The following RARB variants were observed in gnomAD, a reference collection of about 807,000 sequenced individuals.
The protein encoded by RARB is HBV-activated protein.
Under a neutral mutation model 51.9 loss-of-function variants are expected in RARB, and 17 were observed. The observed-to-expected ratio is 0.33, with a 90% CI of 0.22 to 0.49. The LOEUF (loss-of-function observed/expected upper bound fraction) is 0.49, where lower values mean the gene tolerates loss of function less well. RARB is among the 20% of genes least tolerant of loss of function. The pLI is 0.99. For missense variants in RARB, 369 were observed against 550.8 expected (o/e 0.67, Z 3.30); for synonymous variants, 215 against 195.4 (o/e 1.10, Z -0.84).
At chr3:24,993,006 A>G (rs1696946708) in intron 2 of RARB, among the ~76,000 whole-genome samples, 1 of 152,216 alleles carries the variant, frequency 6.6e-6, no homozygotes, top group Admixed American at 6.5e-5. Flanking sequence ...GAATTTACTT[A>G]AAGGAACATT....
chr3:25,327,584 T>C (rs1181420440), intron 5 of RARB, among the ~76,000 whole-genome samples: 2 of 152,244 alleles, frequency 1.3e-5, no homozygotes, highest in South Asian at 4.1e-4. Context: ...GGTCTCAGAA[T>C]GTTTCTCTCC....
At chr3:25,072,712 A>ATTTATTTTTTTGAGAT (rs1698792170) in intron 3 of RARB, among the ~76,000 whole-genome samples, 1 of 148,154 alleles carries the variant, frequency 6.7e-6, no homozygotes, top group African/African-American at 2.6e-5. Context: ...TTAATTTTTT[A>ATTTATTTTTTTGAGAT]TTTATTTTTT....
chr3:24,993,129 T>G (rs1696949263), intron 2 of RARB, among the ~76,000 whole-genome samples: 1 of 152,182 alleles, frequency 6.6e-6, no homozygotes, highest in African/African-American at 2.4e-5. Context: ...ACACATTCAC[T>G]TTTTTCTTTA....
At chr3:25,343,320 A>G (rs955060754) in intron 5 of RARB, among the ~76,000 whole-genome samples, 4 of 152,128 alleles carry the variant, frequency 2.6e-5, no homozygotes, top group African/African-American at 9.7e-5. Context: ...TGCCTATAGC[A>G]TATTATCAGT....
At position 25,278,585 on chromosome 3, in the gene RARB, T is replaced by G. The variant is rs146887041; in HGVS notation, c.178+104010T>G. 6.0e-3 allele frequency among the ~76,000 whole-genome samples: 912 copies of G among 152,324 alleles called. 11 individuals are homozygous for G. The highest frequency in any genetic ancestry group is 0.021 in the African/African-American group (876 of 41,580). On this transcript the variant is annotated intron_variant, in intron 5 of 11. Transcript: ENST00000383772. ...GTGCCACAGCTAAGAATTCACTAGCTGTATCAATTGATTTATGGATTCTTA... is the reference window on the plus strand; with the variant it reads ...GTGCCACAGCTAAGAATTCACTAGCGGTATCAATTGATTTATGGATTCTTA...
intron 2 of RARB, among the ~76,000 whole-genome samples, chr3:24,993,768 T>C (rs1459657979): frequency 6.6e-6 from 1 of 152,190 alleles, no homozygotes; most frequent in African/African-American, 2.4e-5. Context: ...TTTAACTCTC[T>C]GTTCCTGTTT....
chr3:25,001,322 T>C (rs1235319495), intron 2 of RARB, among the ~76,000 whole-genome samples: 1 of 152,188 alleles, frequency 6.6e-6, no homozygotes, highest in Non-Finnish European at 1.5e-5. Flanking sequence ...ACAGTGGCTC[T>C]GCTTCAAGAA....
chr3:24,861,039 G>A (rs1702739961), intron 2 of RARB, among the ~76,000 whole-genome samples: 1 of 152,168 alleles, frequency 6.6e-6, no homozygotes, highest in African/African-American at 2.4e-5. Context: ...AGGGATACAT[G>A]ACTGTCTTAT....
At chr3:24,957,146 C>A (rs1287962663) in intron 2 of RARB, among the ~76,000 whole-genome samples, 1 of 152,136 alleles carries the variant, frequency 6.6e-6, no homozygotes, top group African/African-American at 2.4e-5. Flanking sequence ...AACATTCCAG[C>A]AGGGCTAATG....
Position 25,596,560 on chromosome 3 carries a change from A to G in RARB, c.1291A>G (p.Ile431Val). The part of the protein sequence containing the change: ...SGNTAEHSPS[I>V]SPSSVENSGV... The stretch of plus-strand genomic sequence containing the variant: ...GAACACAGCAGAGCACAGTCCTAGC[A>G]TCTCACCCAGCTCAGTGGAAAACAG... The change falls in exon 8 of 8, where the codon ATC (isoleucine) becomes GTC (valine). Residue 431 changes from isoleucine to valine, a missense_variant. Ile to Val is a conservative substitution (Grantham distance 29). Around this residue, in one of 9 missense-constraint regions of RARB, gnomAD observed 54 missense variants for 43.4 expected, o/e 1.24. Coordinates refer to ENST00000330688, the MANE Select transcript of RARB (RefSeq NM_000965.5). The G allele has an allele frequency of 6.2e-7, 1 of 1,613,896 alleles. No individual in the cohort carries two copies. The highest frequency in any genetic ancestry group is 8.5e-7 in the Non-Finnish European group (1 of 1,179,812).
At chr3:25,263,073 G>C (rs1421663525) in intron 5 of RARB, among the ~76,000 whole-genome samples, 1 of 152,110 alleles carries the variant, frequency 6.6e-6, no homozygotes, top group East Asian at 1.9e-4. Context: ...ACAGAAGGGG[G>C]ATTAACCTGT....
intron 3 of RARB, among the ~76,000 whole-genome samples, chr3:25,523,306 A>G (rs1484658751): frequency 6.6e-6 from 1 of 152,200 alleles, no homozygotes. Context: ...TTTCAAACAC[A>G]GGGTGTGATC....
chr3:25,164,470 A>G (rs944489883), intron 4 of RARB, among the ~76,000 whole-genome samples: 5 of 152,214 alleles, frequency 3.3e-5, no homozygotes, highest in African/African-American at 1.2e-4. Flanking sequence ...CCATGTGACC[A>G]TCTCATTTAT....
intron 5 of RARB, among the ~76,000 whole-genome samples, chr3:25,297,672 C>A (rs1703949040): frequency 6.6e-6 from 1 of 151,686 alleles, no homozygotes; most frequent in South Asian, 2.1e-4. Context: ...CTTATTTTTT[C>A]TTTTTGTTTT....
At chr3:25,360,250 G>C (rs1449813068) in intron 5 of RARB, among the ~76,000 whole-genome samples, 1 of 152,070 alleles carries the variant, frequency 6.6e-6, no homozygotes, top group African/African-American at 2.4e-5. Flanking sequence ...TGTCTCTTTT[G>C]ATCTTTGTTG....
chr3:25,110,798 C>T (rs933046919), intron 3 of RARB, among the ~76,000 whole-genome samples: 3 of 152,032 alleles, frequency 2.0e-5, no homozygotes, highest in East Asian at 3.9e-4. Context: ...TCTTAATTAC[C>T]CCACTCAAAT....
chr3:25,375,893 C>G (rs1244378361), intron 5 of RARB, among the ~76,000 whole-genome samples: 1 of 152,130 alleles, frequency 6.6e-6, no homozygotes, highest in African/African-American at 2.4e-5. Flanking sequence ...AAGTTTCCAC[C>G]TACCATTTAC....
At chr3:25,020,477 G>GCACAGTC (rs1697611071) in intron 2 of RARB, 1 of 152,018 alleles carries the variant, frequency 6.6e-6, no homozygotes, top group Non-Finnish European at 1.5e-5. Context: ...TTCATATACG[G>GCACAGTC]CACAGTCTCA....
chr3:25,313,241 C>T (rs1559353741), intron 5 of RARB, among the ~76,000 whole-genome samples: 1 of 152,166 alleles, frequency 6.6e-6, no homozygotes, highest in Non-Finnish European at 1.5e-5. Context: ...ACCCTGGCTA[C>T]TCCAATCAAA....
Sources: allele counts gnomAD v4.1 joint callset (sites outside exome capture counted in the v4.1 genomes callset), GRCh38; gene constraint gnomAD v4.1.1; regional missense constraint gnomAD v4.1.1; transcripts MANE v1.5; gene names NCBI Gene and HGNC (gene_info 2026-07-23, HGNC 2026-07-21).